PHF21B: variants seen among roughly 807,000 people sequenced by gnomAD.
PHF21B encodes PHD finger protein 21B.
Under a neutral mutation model 62.2 loss-of-function variants are expected in PHF21B, and 22 were observed. The ratio of observed to expected loss-of-function variants is 0.35; its 90% CI spans 0.25 to 0.51. PHF21B has a LOEUF of 0.51. Ranked by LOEUF, PHF21B falls within the 20% of genes least tolerant of loss-of-function variation. The pLI is 0.97. For missense variants in PHF21B, 701 were observed against 707.9 expected (o/e 0.99, Z 0.11); for synonymous variants, 341 against 314.7 (o/e 1.08, Z -0.88).
intron 2 of PHF21B, among the ~76,000 whole-genome samples, chr22:44,997,681 C>T (rs1275965868): frequency 1.3e-5 from 2 of 152,320 alleles, no homozygotes; most frequent in South Asian, 4.1e-4. Context: ...TTTACATGTG[C>T]AGATTGGCTT....
chr22:45,007,186 G>C (rs907450085), intron 2 of PHF21B, among the ~76,000 whole-genome samples: 3 of 150,744 alleles, frequency 2.0e-5, no homozygotes, highest in Admixed American at 6.6e-5. Flanking sequence ...GACCAGGCGC[G>C]GGCCGCGGCA....
intron 6 of PHF21B, 152 bp from the exon 7 acceptor site, chr22:44,893,685 T>C (rs958129377): frequency 2.4e-5 from 17 of 713,858 alleles, no homozygotes; most frequent in African/African-American, 1.9e-4. Flanking sequence ...CCAGGGTGGG[T>C]TAGGGCCTCC....
At chr22:44,995,411 G>A (rs905519190) in intron 2 of PHF21B, among the ~76,000 whole-genome samples, 3 of 152,148 alleles carry the variant, frequency 2.0e-5, no homozygotes, top group Admixed American at 6.5e-5. Context: ...TGGAGTGTGT[G>A]GGGGGCTGGG....
At chr22:44,960,892 C>A (rs938997073) in intron 2 of PHF21B, among the ~76,000 whole-genome samples, 1 of 151,698 alleles carries the variant, frequency 6.6e-6, no homozygotes, top group African/African-American at 2.4e-5. Context: ...TCTTCAGGGT[C>A]TCCAGCTTGC....
intron 2 of PHF21B, among the ~76,000 whole-genome samples, chr22:44,941,027 A>G (rs1394585643): frequency 6.6e-6 from 1 of 152,226 alleles, no homozygotes; most frequent in Non-Finnish European, 1.5e-5. Context: ...GAGCAGCGGG[A>G]TTCGTGAACA....
intron 2 of PHF21B, among the ~76,000 whole-genome samples, chr22:45,004,518 G>C (rs2073278651): frequency 6.6e-6 from 1 of 152,186 alleles, no homozygotes; most frequent in African/African-American, 2.4e-5. Flanking sequence ...TTTTGGAGTT[G>C]TACTGATTTT....
chr22:44,998,956 G>A (rs2073166130), intron 2 of PHF21B, among the ~76,000 whole-genome samples: 1 of 152,144 alleles, frequency 6.6e-6, no homozygotes, highest in Non-Finnish European at 1.5e-5. Context: ...TCTTCAGGAT[G>A]AGGGTTTGAC....
chr22:44,915,991 C>T (rs2071424639), intron 4 of PHF21B, among the ~76,000 whole-genome samples: 1 of 152,198 alleles, frequency 6.6e-6, no homozygotes, highest in Non-Finnish European at 1.5e-5. Flanking sequence ...ATTCATTGAC[C>T]AATCACTCCT....
Position 44,896,078 on chromosome 22 carries a change from G to A in PHF21B, c.837C>T (p.Ile279=), listed in dbSNP as rs368786424. ...CCAGGCCTAGCGCTACCATGAAGGC[G>A]ATTTTCTGAGGGAAGGAACAGACAA... The part of the protein sequence containing the change: ...RPPTQENPEK[I]AFMVALGLVT... Residue 279 remains isoleucine, a synonymous_variant, in exon 6 of 13, where the codon ATC becomes ATT. Coordinates refer to ENST00000313237, the MANE Select transcript of PHF21B (RefSeq NM_138415.5). The A allele has an allele frequency of 6.8e-5, 109 of 1,613,990 alleles. No individual in the cohort carries two copies. Among genetic ancestry groups the A allele is most frequent in the African/African-American group, 1.1e-4 (8 of 74,892 alleles).
chr22:44,887,753 T>TTA (rs2032942292), intron 10 of PHF21B, among the ~76,000 whole-genome samples: 6 of 81,408 alleles, frequency 7.4e-5, no homozygotes, highest in African/African-American at 3.2e-4. Flanking sequence ...AGACTCTGTC[T>TTA]CAAAAAAAAA....
chr22:44,985,668 T>A (rs931000496), intron 2 of PHF21B, among the ~76,000 whole-genome samples: 2 of 151,930 alleles, frequency 1.3e-5, no homozygotes, highest in African/African-American at 4.8e-5. Context: ...GTGGAGATAA[T>A]ATGGGAGATA....
At chr22:45,002,211 C>CA (rs2147532451) in intron 2 of PHF21B, among the ~76,000 whole-genome samples, 1 of 152,204 alleles carries the variant, frequency 6.6e-6, no homozygotes, top group East Asian at 1.9e-4. Flanking sequence ...TGACATATAT[C>CA]AATATACAAA....
intron 2 of PHF21B, among the ~76,000 whole-genome samples, chr22:44,939,946 G>A (rs1186826852): frequency 6.6e-6 from 1 of 152,094 alleles, no homozygotes; most frequent in Non-Finnish European, 1.5e-5. Context: ...GAAGAGTGAT[G>A]TATCTATCAA....
intron 2 of PHF21B, among the ~76,000 whole-genome samples, chr22:44,936,301 G>T (rs993915406): frequency 1.3e-5 from 2 of 152,214 alleles, no homozygotes; most frequent in African/African-American, 4.8e-5. Flanking sequence ...TGCAGGTCCC[G>T]CCTGGTTCTG....
intron 2 of PHF21B, among the ~76,000 whole-genome samples, chr22:44,972,503 G>A (rs1304350223): frequency 3.3e-5 from 5 of 152,186 alleles, no homozygotes; most frequent in African/African-American, 1.2e-4. Flanking sequence ...GTGCAATGAG[G>A]AAGCCGGAAA....
At chr22:44,907,494 G>A (rs1259796200) in intron 5 of PHF21B, among the ~76,000 whole-genome samples, 2 of 152,174 alleles carry the variant, frequency 1.3e-5, no homozygotes, top group East Asian at 1.9e-4. Context: ...GGATGTACAC[G>A]GCCTGGGAGC....
intron 2 of PHF21B, among the ~76,000 whole-genome samples, chr22:45,001,711 G>A (rs371337385): frequency 1.3e-5 from 2 of 152,170 alleles, no homozygotes; most frequent in Admixed American, 6.5e-5. Context: ...TTTCATATTC[G>A]TGGAATTAAC....
intron 1 of PHF21B, chr22:45,008,955 G>A: frequency 1.9e-6 from 2 of 1,080,942 alleles, no homozygotes; most frequent in Non-Finnish European, 2.2e-6. Context: ...AAAGAGCCAA[G>A]TAAACACGGC....
At chr22:44,978,124 C>T (rs1226243854) in intron 2 of PHF21B, among the ~76,000 whole-genome samples, 2 of 152,080 alleles carry the variant, frequency 1.3e-5, no homozygotes, top group Admixed American at 6.6e-5. Flanking sequence ...TCCCAGGACA[C>T]GTGTGTAATA....
Sources: gnomAD v4.1 joint callset for allele counts (sites outside exome capture counted in the v4.1 genomes callset) on GRCh38, gnomAD v4.1.1 for gene constraint, MANE v1.5 for transcripts, NCBI Gene and HGNC (gene_info 2026-07-23, HGNC 2026-07-21) for gene names.